The following SENP7 variants were observed in gnomAD, a reference collection of about 807,000 sequenced individuals.
The protein encoded by SENP7 is SUMO specific peptidase 7.
Under a neutral mutation model 141.2 loss-of-function variants are expected in SENP7, and 64 were observed. That is an observed-to-expected ratio of 0.45 (90% CI 0.37 to 0.56). The LOEUF (loss-of-function observed/expected upper bound fraction) is 0.56, where lower values mean the gene tolerates loss of function less well. Among genes scored for constraint, SENP7 ranks in the 20% least tolerant of loss-of-function variants. The pLI is 0.00. For synonymous variants in SENP7, 382 were observed against 426.4 expected (o/e 0.90, Z 1.28); for missense variants, 1,025 against 1,212.2 (o/e 0.85, Z 2.29).
chr3:101,414,228 C>T (rs565685993), intron 5 of SENP7: 2 of 575,940 alleles, frequency 3.5e-6, no homozygotes, highest in East Asian at 3.1e-5. Flanking sequence ...ACCATAACAG[C>T]TACAGCAGCT....
chr3:101,439,932 T>C (rs1176417390), intron 4 of SENP7, among the ~76,000 whole-genome samples: 170 of 29,626 alleles, frequency 5.7e-3, no homozygotes, highest in Middle Eastern at 0.015. Context: ...CCAGCCGCCC[T>C]GTCCGGGAGG....
At chr3:101,373,824 G>A (rs1487197890) in intron 6 of SENP7, among the ~76,000 whole-genome samples, 2 of 152,124 alleles carry the variant, frequency 1.3e-5, no homozygotes, top group African/African-American at 4.8e-5. Flanking sequence ...ACTGTACATG[G>A]TGGAAAGTCA....
At chr3:101,346,295 C>T (rs776145203) in intron 13 of SENP7, among the ~76,000 whole-genome samples, 3 of 152,156 alleles carry the variant, frequency 2.0e-5, no homozygotes, top group Non-Finnish European at 2.9e-5. Context: ...AAAGGGAACA[C>T]TTCTACACTG....
chr3:101,344,717 G>T (rs1211910346), intron 13 of SENP7, among the ~76,000 whole-genome samples: 1 of 152,056 alleles, frequency 6.6e-6, no homozygotes, highest in Non-Finnish European at 1.5e-5. Context: ...GAATCTTAAA[G>T]GAATAATATA....
At chr3:101,434,980 C>T (rs1010139476) in intron 4 of SENP7, among the ~76,000 whole-genome samples, 12 of 152,062 alleles carry the variant, frequency 7.9e-5, no homozygotes, top group African/African-American at 2.9e-4. Flanking sequence ...AAGAAAACTA[C>T]AGGCCAGCAT....
At chr3:101,368,419 C>T (rs1415501518) in intron 7 of SENP7, among the ~76,000 whole-genome samples, 1 of 151,680 alleles carries the variant, frequency 6.6e-6, no homozygotes, top group East Asian at 1.9e-4. Flanking sequence ...AGTTCATGTC[C>T]TTTGTAGGGA....
intron 4 of SENP7, among the ~76,000 whole-genome samples, chr3:101,442,540 CCT>C (rs2062719930): frequency 6.6e-6 from 1 of 152,130 alleles, no homozygotes; most frequent in African/African-American, 2.4e-5. Flanking sequence ...CGGCCTGGTT[CCT>C]AACAGGCCAC....
chr3:101,380,999 A>G lies in SENP7; in HGVS notation c.678-8873T>C, dbSNP rs2060486406. Among the ~76,000 whole-genome samples the G allele has an allele frequency of 2.0e-5, 3 of 152,188 alleles. No individual in the cohort carries two copies. In the South Asian group the frequency reaches 6.2e-4, roughly 32 times the overall value. On this transcript the variant is annotated intron_variant, in intron 6 of 23. Transcript: ENST00000394095. ...TCTCACAAAAATGTTAGGCAAAAAA[A>G]ATGCATGCCATGTAATACATATTGT...
At chr3:101,357,605 G>A in intron 11 of SENP7, 3 of 990,092 alleles carry the variant, frequency 3.0e-6, no homozygotes, top group African/African-American at 1.6e-5. Flanking sequence ...CTGTAAAAGT[G>A]TGGATGAGTG....
At chr3:101,434,015 G>A (rs2062286552) in intron 4 of SENP7, among the ~76,000 whole-genome samples, 1 of 152,058 alleles carries the variant, frequency 6.6e-6, no homozygotes, top group African/African-American at 2.4e-5. Flanking sequence ...CATTCTTAAG[G>A]ACAGACCATA....
chr3:101,344,462 A>G (rs1362177184), intron 13 of SENP7, among the ~76,000 whole-genome samples: 1 of 152,186 alleles, frequency 6.6e-6, no homozygotes, highest in Non-Finnish European at 1.5e-5. Flanking sequence ...AGAAGTAATT[A>G]GGACAGGAAA....
chr3:101,513,028 T>G, intron 1 of SENP7, 63 bp downstream of exon 1: 1 of 1,553,540 alleles, frequency 6.4e-7, no homozygotes, highest in South Asian at 1.1e-5. Context: ...AGCTGCCGCC[T>G]GCGCCTCCCG....
Position 101,337,602 on chromosome 3 carries a change from T to C in SENP7, c.2387A>G (p.Glu796Gly). Reference protein sequence around the residue: ...KYLILEKASDELVERSHIFSS... With the variant: ...KYLILEKASDGLVERSHIFSS... ...AAAAATGTGACTTCGTTCAACAAGT[T>C]CATCTGATGCCTTCTCCAATATAAG... The change falls in exon 17 of 24, where the codon GAA becomes GGA. Residue 796 changes from glutamate to glycine, a missense_variant. Transcript: ENST00000394095. 1 of 1,605,940 alleles carries C rather than the reference T, an allele frequency of 6.2e-7. No individual in the cohort carries two copies. The highest frequency in any genetic ancestry group is 8.5e-7 in the Non-Finnish European group (1 of 1,175,866).
intron 1 of SENP7, among the ~76,000 whole-genome samples, chr3:101,507,193 T>C (rs1336866971): frequency 1.3e-5 from 2 of 151,948 alleles, no homozygotes; most frequent in Non-Finnish European, 2.9e-5. Flanking sequence ...GCAGACCACA[T>C]CAGCCAGATT....
intron 6 of SENP7, among the ~76,000 whole-genome samples, chr3:101,373,393 T>C (rs2060233210): frequency 6.6e-6 from 1 of 151,864 alleles, no homozygotes; most frequent in Non-Finnish European, 1.5e-5. Flanking sequence ...AAAAGAGAAG[T>C]CAAAAAAAAT....
chr3:101,334,033 G>A (rs1391734089), intron 17 of SENP7, among the ~76,000 whole-genome samples: 1 of 152,086 alleles, frequency 6.6e-6, no homozygotes, highest in East Asian at 1.9e-4. Context: ...AACAGGGTTC[G>A]CGCTCCTGTG....
At chr3:101,485,918 A>G (rs981859951) in intron 3 of SENP7, among the ~76,000 whole-genome samples, 1 of 152,198 alleles carries the variant, frequency 6.6e-6, no homozygotes, top group Admixed American at 6.5e-5. Flanking sequence ...AAAGAAAAAA[A>G]ACAATAAAAA....
intron 4 of SENP7, among the ~76,000 whole-genome samples, chr3:101,434,886 G>C (rs770480329): frequency 2.0e-5 from 3 of 151,982 alleles, no homozygotes; most frequent in Admixed American, 6.6e-5. Context: ...TTCTGAAAAA[G>C]AGAGGAGGAG....
At chr3:101,449,283 T>C (rs1373453985) in intron 4 of SENP7, among the ~76,000 whole-genome samples, 4 of 152,184 alleles carry the variant, frequency 2.6e-5, no homozygotes, top group Non-Finnish European at 4.4e-5. Flanking sequence ...TGGAACCAAG[T>C]TGGAAAACAC....
Sources: allele counts gnomAD v4.1 joint callset (sites outside exome capture counted in the v4.1 genomes callset), GRCh38; gene constraint gnomAD v4.1.1; transcripts MANE v1.5; gene names NCBI Gene and HGNC (gene_info 2026-07-23, HGNC 2026-07-21).